The following TTLL5 variants were observed in gnomAD, a reference collection of about 807,000 sequenced individuals.
TTLL5 encodes tubulin tyrosine ligase like 5, also known as tubulin polyglutamylase TTLL5.
A neutral mutation model predicts 168.4 loss-of-function variants in TTLL5; 132 were observed. The observed-to-expected ratio is 0.78, with a 90% CI of 0.68 to 0.91. The LOEUF (loss-of-function observed/expected upper bound fraction) is 0.91, where lower values mean the gene tolerates loss of function less well. Ranked by LOEUF, TTLL5 falls within the 40% of genes least tolerant of loss-of-function variation. TTLL5 has a pLI of 0.00. For missense variants in TTLL5, 1,545 were observed against 1,581.5 expected (o/e 0.98, Z 0.39); for synonymous variants, 546 against 558.6 (o/e 0.98, Z 0.32).
chr14:75,720,259 G>A (rs1285016780), intron 11 of TTLL5, among the ~76,000 whole-genome samples: 2 of 152,178 alleles, frequency 1.3e-5, no homozygotes, highest in East Asian at 3.8e-4. Context: ...TGAGCCTTGA[G>A]CAGAACGGGA....
intron 2 of TTLL5, among the ~76,000 whole-genome samples, chr14:75,664,064 A>G (rs1200500578): frequency 6.6e-6 from 1 of 151,888 alleles, no homozygotes; most frequent in Non-Finnish European, 1.5e-5. Flanking sequence ...AGCCCGGGCA[A>G]CAAGAGCAAA....
At chr14:75,773,959 G>GAGACAGAGAGAA in intron 21 of TTLL5, among the ~76,000 whole-genome samples, 1 of 34,194 alleles carries the variant, frequency 2.9e-5, no homozygotes, top group East Asian at 8.7e-4. Flanking sequence ...GAGAGAGAAA[G>GAGACAGAGAGAA]AGAGAGAGAG....
chr14:75,744,989 A>G (rs940230133), intron 15 of TTLL5, 106 bp from the exon 16 acceptor site: 4 of 933,270 alleles, frequency 4.3e-6, no homozygotes, highest in African/African-American at 1.7e-5. Context: ...ATTTGAGCTT[A>G]TAAATCTTTA....
intron 5 of TTLL5, among the ~76,000 whole-genome samples, chr14:75,689,047 C>T (rs1013746362): frequency 4.6e-5 from 7 of 152,136 alleles, no homozygotes; most frequent in African/African-American, 7.2e-5. Context: ...AAGTGATTAT[C>T]GCTTCTGAGA....
chr14:75,842,666 T>C (rs1896322013), intron 28 of TTLL5, among the ~76,000 whole-genome samples: 2 of 152,116 alleles, frequency 1.3e-5, no homozygotes, highest in Non-Finnish European at 2.9e-5. Flanking sequence ...AGAAAAGTGT[T>C]TGATGTACTT....
In TTLL5 at chr14:75,782,568, T is replaced by C; in HGVS notation, c.2597T>C (p.Leu866Ser). The C allele has an allele frequency of 6.2e-7, 1 of 1,613,436 alleles. No homozygotes were observed. The highest frequency in any genetic ancestry group is 8.5e-7 in the Non-Finnish European group (1 of 1,179,654). The change falls in exon 25 of 32, where the codon TTA (leucine) becomes TCA (serine). Residue 866 changes from leucine to serine, a missense_variant. Leu to Ser is a moderately radical substitution (Grantham distance 145). Coordinates refer to ENST00000298832, the MANE Select transcript of TTLL5 (RefSeq NM_015072.5). ...QQTTEIHSDKLSRFTTSAEKE... is the reference protein window; with the variant it reads ...QQTTEIHSDKSSRFTTSAEKE... ...ACGACAGAAATTCATTCTGATAAAT[T>C]ATCTCGTGAGTGATTTCAAACCTAC...
intron 28 of TTLL5, among the ~76,000 whole-genome samples, chr14:75,844,530 T>C (rs1395207406): frequency 6.6e-6 from 1 of 152,216 alleles, no homozygotes; most frequent in Non-Finnish European, 1.5e-5. Context: ...AAGCAGCTCT[T>C]TCCTTTATTC....
chr14:75,930,933 C>A (rs1261064867), intron 31 of TTLL5, among the ~76,000 whole-genome samples: 1 of 152,098 alleles, frequency 6.6e-6, no homozygotes, highest in Admixed American at 6.5e-5. Flanking sequence ...GTTGGCTTTC[C>A]CTTTCTACCG....
intron 28 of TTLL5, among the ~76,000 whole-genome samples, chr14:75,828,399 A>G (rs891248368): frequency 1.7e-4 from 5 of 29,730 alleles, no homozygotes; most frequent in Non-Finnish European, 2.3e-4. Context: ...AATGAATAGT[A>G]AATATATTAT....
chr14:75,769,341 T>C (rs1420885009), intron 20 of TTLL5, among the ~76,000 whole-genome samples: 3 of 152,220 alleles, frequency 2.0e-5, no homozygotes, highest in Non-Finnish European at 2.9e-5. Context: ...GCGTCATTGT[T>C]GCATATCTTA....
intron 30 of TTLL5, among the ~76,000 whole-genome samples, chr14:75,885,897 G>A (rs1209351880): frequency 3.9e-5 from 6 of 152,150 alleles, no homozygotes; most frequent in Admixed American, 3.9e-4. Context: ...TCAGTGTTAG[G>A]TACTATTATG....
intron 28 of TTLL5, among the ~76,000 whole-genome samples, chr14:75,846,790 C>T (rs1291038713): frequency 4.7e-5 from 3 of 64,162 alleles, no homozygotes; most frequent in Non-Finnish European, 8.8e-5. Context: ...AACTCCATCT[C>T]AGAAAAAAAA....
chr14:75,817,334 G>A (rs1894490780), intron 27 of TTLL5, among the ~76,000 whole-genome samples: 1 of 152,042 alleles, frequency 6.6e-6, no homozygotes, highest in African/African-American at 2.4e-5. Flanking sequence ...AGAAGCAGTA[G>A]GGGACAGAAA....
intron 9 of TTLL5, chr14:75,709,141 C>T: frequency 1.3e-6 from 1 of 748,398 alleles, no homozygotes; most frequent in South Asian, 1.4e-5. Flanking sequence ...TCACGACAAG[C>T]TAAAAAAGCC....
intron 5 of TTLL5, among the ~76,000 whole-genome samples, chr14:75,685,724 A>G (rs1482179533): frequency 1.3e-5 from 2 of 152,206 alleles, no homozygotes; most frequent in Non-Finnish European, 2.9e-5. Context: ...GAGAAGGTGT[A>G]TATTTGAGCA....
At chr14:75,668,543 T>C (rs944518421) in intron 2 of TTLL5, among the ~76,000 whole-genome samples, 2 of 152,202 alleles carry the variant, frequency 1.3e-5, no homozygotes, top group Non-Finnish European at 2.9e-5. Flanking sequence ...TGAGTAAATA[T>C]TCATCAGCCT....
chr14:75,716,863 A>G (rs983511113), intron 9 of TTLL5, among the ~76,000 whole-genome samples: 6 of 152,062 alleles, frequency 3.9e-5, no homozygotes, highest in Admixed American at 6.5e-5. Flanking sequence ...TCAAATTGCT[A>G]CCCTGTTTTC....
intron 28 of TTLL5, among the ~76,000 whole-genome samples, chr14:75,861,512 A>G (rs2029999683): frequency 6.6e-6 from 1 of 152,164 alleles, no homozygotes; most frequent in East Asian, 1.9e-4. Context: ...AGGTCTGTGT[A>G]GCCTCACTTC....
At chr14:75,810,745 T>G (rs746146646) in intron 27 of TTLL5, among the ~76,000 whole-genome samples, 1 of 152,214 alleles carries the variant, frequency 6.6e-6, no homozygotes, top group Non-Finnish European at 1.5e-5. Context: ...TTAGTGAACC[T>G]GAGATTAGTT....
Sources: allele counts gnomAD v4.1 joint callset (sites outside exome capture counted in the v4.1 genomes callset), GRCh38; gene constraint gnomAD v4.1.1; transcripts MANE v1.5; gene names NCBI Gene and HGNC (gene_info 2026-07-23, HGNC 2026-07-21).